The following G3BP1 variants were observed in gnomAD, a reference collection of about 807,000 sequenced individuals.
G3BP1 encodes G3BP stress granule assembly factor 1, also known as ras GTPase-activating protein-binding protein 1.
Under a neutral mutation model 58.6 loss-of-function variants are expected in G3BP1, and 35 were observed. The observed-to-expected ratio is 0.60, with a 90% CI of 0.46 to 0.79. The LOEUF (loss-of-function observed/expected upper bound fraction) is 0.79. G3BP1 is among the 30% of genes least tolerant of loss of function. The pLI, the probability that G3BP1 is intolerant of heterozygous loss-of-function variation, is 0.00. For missense variants in G3BP1, 523 were observed against 580.8 expected, an observed-to-expected ratio of 0.90 and a Z score of 1.02; for synonymous variants, 191 against 195.4, an observed-to-expected ratio of 0.98 and a Z score of 0.19.
At chr5:151,775,680 G>GT (rs1285023767) in intron 1 of G3BP1, among the ~76,000 whole-genome samples, 4 of 152,216 alleles carry the variant, frequency 2.6e-5, no homozygotes, top group Non-Finnish European at 4.4e-5. Flanking sequence ...GTCTTGATCT[G>GT]TTTAAGAATT....
Position 151,786,721 on chromosome 5 carries a change from A to T in G3BP1, c.95+6A>T. The T allele has an allele frequency of 6.5e-7, 1 of 1,542,832 alleles. No homozygotes were observed. Among genetic ancestry groups the T allele is most frequent in the Non-Finnish European group, 9.0e-7 (1 of 1,115,032 alleles). On this transcript the variant is annotated splice_donor_region_variant and intron_variant, in intron 2 of 11. Transcript: ENST00000356245. ...GCCCCAGACATGCTGCATAGGTAAG[A>T]CATTTTTCTCCTGCATCATCTAATG...
intron 1 of G3BP1, among the ~76,000 whole-genome samples, chr5:151,778,693 C>A (rs1762415169): frequency 6.6e-6 from 1 of 151,910 alleles, no homozygotes; most frequent in South Asian, 2.1e-4. Flanking sequence ...ATGCCCTCCT[C>A]GGCCTCCCAA....
At chr5:151,775,182 T>C (rs3812003) in intron 1 of G3BP1, among the ~76,000 whole-genome samples, 27,495 of 152,162 alleles carry the variant, frequency 0.18, 2,716 homozygotes, top group African/African-American at 0.26. Context: ...ATGTAATAAG[T>C]TCTTGGTATG....
At chr5:151,776,928 T>G (rs1402567353) in intron 1 of G3BP1, among the ~76,000 whole-genome samples, 1 of 151,598 alleles carries the variant, frequency 6.6e-6, no homozygotes, top group Non-Finnish European at 1.5e-5. Flanking sequence ...CCTTTGTCCT[T>G]TTGACACTTC....
chr5:151,782,936 C>G (rs963382873), intron 1 of G3BP1, among the ~76,000 whole-genome samples: 1 of 144,110 alleles, frequency 6.9e-6, no homozygotes, highest in Non-Finnish European at 1.5e-5. Context: ...CGGCTCACTG[C>G]AACCTCCGTC....
chr5:151,781,685 C>T (rs1038331597), intron 1 of G3BP1, among the ~76,000 whole-genome samples: 2 of 152,164 alleles, frequency 1.3e-5, no homozygotes. Flanking sequence ...TTCAGAGAGA[C>T]GATTTGTCTT....
rs1292169264 is a variant in G3BP1, at chr5:151,808,267, A to G, written c.*4176A>G. The G allele has an allele frequency of 6.6e-6, 1 of 152,220 alleles. No homozygotes were observed. Among genetic ancestry groups the G allele is most frequent in the East Asian group, 1.9e-4 (1 of 5,198 alleles). The allele number at this position is 152,220 out of a possible 1,614,324, so 9.4% of individuals were successfully genotyped here. Reference sequence around the variant, plus strand: ...AAGGAGAGATGGTGGCACATGTGAGATAAAACTTGTTTATATTTACATTCT... The same window carrying G: ...AAGGAGAGATGGTGGCACATGTGAGGTAAAACTTGTTTATATTTACATTCT... On this transcript the variant is annotated 3_prime_UTR_variant, in exon 12 of 12. Transcript: ENST00000356245.
In G3BP1 at chr5:151,795,514, C is replaced by G; in HGVS notation, c.478C>G (p.Gln160Glu). ...EEEVEEPEER[Q>E]QTPEVVPDDS... ...AGAAGTAGAGGAACCTGAAGAAAGA[C>G]AGCAAACACCTGAGGTGGTACCTGA... The change falls in exon 6 of 12, where the codon CAG becomes GAG. Residue 160 changes from glutamine (Q) to glutamate (E), a missense_variant. This residue lies in a region of G3BP1 where 398 missense variants were observed against 399.1 expected (regional missense o/e 1.00). Coordinates refer to ENST00000356245, the MANE Select transcript of G3BP1 (RefSeq NM_005754.3). The G allele has an allele frequency of 6.2e-7, 1 of 1,604,204 alleles. No individual in the cohort carries two copies. Among genetic ancestry groups the G allele is most frequent in the Non-Finnish European group, 8.5e-7 (1 of 1,171,638 alleles).
chr5:151,780,973 G>A (rs1762460797), intron 1 of G3BP1, among the ~76,000 whole-genome samples: 1 of 152,078 alleles, frequency 6.6e-6, no homozygotes, highest in Non-Finnish European at 1.5e-5. Flanking sequence ...ACAAACGTGG[G>A]TATGAACTGC....
chr5:151,797,348 G>A lies in G3BP1; in HGVS notation c.661G>A (p.Glu221Lys). Reference sequence around the variant, plus strand: ...GGAAAAGCCTGAGCCAGTATTAGAAGAAACTGCCCCTGAGGATGCTCAGAA... The same window carrying A: ...GGAAAAGCCTGAGCCAGTATTAGAAAAAACTGCCCCTGAGGATGCTCAGAA... ...QEEKPEPVLE[E>K]TAPEDAQKSS... The change falls in exon 7 of 12, where the codon GAA becomes AAA. Residue 221 changes from glutamate (E) to lysine (K), a missense_variant. Physicochemically the swap from Glu to Lys is moderately conservative, Grantham distance 56 (BLOSUM62 1). This residue lies in a region of G3BP1 where 398 missense variants were observed against 399.1 expected (regional missense o/e 1.00). Transcript: ENST00000356245. 1 of 1,614,134 alleles carries A rather than the reference G, an allele frequency of 6.2e-7. No homozygotes were observed. The highest frequency in any genetic ancestry group is 8.5e-7 in the Non-Finnish European group (1 of 1,180,006).
At position 151,807,332 on chromosome 5, in the gene G3BP1, T is replaced by A. The variant is rs1411826689; in HGVS notation, c.*3241T>A. On this transcript the variant is annotated 3_prime_UTR_variant, in exon 12 of 12. Transcript: ENST00000356245. ...CAAGGAGCACATTTGCCTCCCAAAC[T>A]GATGCTTTTTCTCTAGAACCATAAT... The A allele has an allele frequency of 2.0e-5, 3 of 152,224 alleles. No homozygotes were observed. The highest frequency in any genetic ancestry group is 4.8e-5 in the African/African-American group (2 of 41,440). The allele number at this position is 152,224 out of a possible 1,614,324, so 9.4% of individuals were successfully genotyped here.
At chr5:151,792,489 C>T (rs1181198632) in intron 4 of G3BP1, among the ~76,000 whole-genome samples, 2 of 152,192 alleles carry the variant, frequency 1.3e-5, no homozygotes, top group East Asian at 1.9e-4. Context: ...TTGTGAATTA[C>T]AGGTTTAATT....
intron 10 of G3BP1, 84 bp from the exon 11 acceptor site, chr5:151,800,676 A>G (rs555581937): frequency 5.7e-5 from 47 of 823,588 alleles, no homozygotes; most frequent in Middle Eastern, 4.6e-4. Flanking sequence ...ACATGCATCT[A>G]GTGGCTACTG....
rs1762984884 is a variant in G3BP1 at position 151,809,525 on chromosome 5, A to G, written c.*5434A>G. 6.6e-6 allele frequency: 1 copy of G among 152,206 alleles called. No individual in the cohort carries two copies. Among genetic ancestry groups the G allele is most frequent in the Non-Finnish European group, 1.5e-5 (1 of 68,026 alleles). 9.4% of individuals were successfully genotyped at this position (152,206 alleles called of 1,614,324 possible). A position where few individuals can be genotyped will look rare whatever the true frequency, so the allele number is the denominator to read the frequency against. ...ATTATATTTTTGAGTGAGAAGCATC[A>G]GACTTAAATTTTTTTCTTCTATTTT... On this transcript the variant is annotated 3_prime_UTR_variant, in exon 12 of 12. Coordinates refer to ENST00000356245, the MANE Select transcript of G3BP1 (RefSeq NM_005754.3).
chr5:151,790,533 GT>G, intron 3 of G3BP1, 129 bp downstream of exon 3: 2 of 508,178 alleles, frequency 3.9e-6, no homozygotes, highest in Non-Finnish European at 7.0e-6. Context: ...AAGTTGATGT[GT>G]TTTATTACTA....
Position 151,804,938 on chromosome 5 carries a change from A to T in G3BP1, c.*847A>T, listed in dbSNP as rs188372633. 1.1e-4 allele frequency: 17 copies of T among 152,660 alleles called. No homozygotes were observed. Among genetic ancestry groups the T allele is most frequent in the African/African-American group, 3.6e-4 (15 of 41,526 alleles). The allele number at this position is 152,660 out of a possible 1,614,324, so 9.5% of individuals were successfully genotyped here. A position where few individuals can be genotyped will look rare whatever the true frequency, so the allele number is the denominator to read the frequency against. On this transcript the variant is annotated 3_prime_UTR_variant, in exon 12 of 12. Transcript: ENST00000356245. ...GTCTTGGCAATTGTTTAAAAAAAAA[A>T]TCTAGATTTGTTTTATTAGGTTCAG...
At chr5:151,795,381 A>G in intron 5 of G3BP1, 98 bp from the exon 6 acceptor site, 1 of 677,090 alleles carries the variant, frequency 1.5e-6, no homozygotes, top group South Asian at 1.8e-5. Context: ...TTATTTATAT[A>G]TGTTTTTCTT....
At chr5:151,781,780 T>G (rs1463832934) in intron 1 of G3BP1, among the ~76,000 whole-genome samples, 1 of 152,246 alleles carries the variant, frequency 6.6e-6, no homozygotes, top group East Asian at 1.9e-4. Flanking sequence ...ATTGTAAGAA[T>G]ACAGTATATA....
In G3BP1 at chr5:151,798,742, A is replaced by C. The variant is rs139146483; in HGVS notation, c.742-470A>C. Among the ~76,000 whole-genome samples the C allele has an allele frequency of 2.4e-3, 358 of 152,128 alleles. 15 individuals are homozygous for C. In the East Asian group the frequency reaches 0.063, roughly 27 times the overall value. On this transcript the variant is annotated intron_variant, in intron 7 of 11. Coordinates refer to ENST00000356245, the MANE Select transcript of G3BP1 (RefSeq NM_005754.3). ...ACTTTGGGAGGCTGAGGCCAGGAGG[A>C]TTGCTTGAGTTTAGGAGTTCAAGAC...
Sources: gnomAD v4.1 joint callset for allele counts (sites outside exome capture counted in the v4.1 genomes callset) on GRCh38, gnomAD v4.1.1 for gene constraint, gnomAD v4.1.1 regional missense constraint, MANE v1.5 for transcripts, NCBI Gene and HGNC (gene_info 2026-07-23, HGNC 2026-07-21) for gene names.